MICAL2: variants seen among roughly 807,000 people sequenced by gnomAD.
MICAL2 encodes the protein [F-actin]-monooxygenase MICAL2.
In MICAL2, 77 loss-of-function variants were observed where a neutral mutation model predicts 127.3. That is an observed-to-expected ratio of 0.60 (90% CI 0.50 to 0.73). The LOEUF (loss-of-function observed/expected upper bound fraction) is 0.73, where lower values mean the gene tolerates loss of function less well. MICAL2 is among the 30% of genes least tolerant of loss of function. MICAL2 has a pLI of 0.00. For synonymous variants in MICAL2, 570 were observed against 551.1 expected (o/e 1.03, Z -0.48); for missense variants, 1,351 against 1,434.4 (o/e 0.94, Z 0.94).
chr11:12,249,072 C>A, intron 21 of MICAL2, 112 bp from the exon 22 acceptor site: 1 of 1,392,832 alleles, frequency 7.2e-7, no homozygotes, highest in Non-Finnish European at 1.0e-6. Context: ...AATGTCCTAA[C>A]CTATGCAAAA....
At chr11:12,143,705 T>C (rs1469816722) in intron 2 of MICAL2, among the ~76,000 whole-genome samples, 3 of 152,198 alleles carry the variant, frequency 2.0e-5, no homozygotes, top group African/African-American at 7.2e-5. Context: ...GCAGATTGAC[T>C]CTCCAGGGAT....
At chr11:12,296,386 A>G (rs11022280), downstream of MICAL2, among the ~76,000 whole-genome samples, 62,425 of 151,096 alleles carry the variant, frequency 0.41, 15,022 homozygotes, top group Non-Finnish European at 0.55. Flanking sequence ...CTTTATTTTC[A>G]ACCAGGTTCA....
intron 2 of MICAL2, among the ~76,000 whole-genome samples, chr11:12,143,328 G>T (rs1178051394): frequency 2.0e-5 from 3 of 152,228 alleles, no homozygotes; most frequent in Non-Finnish European, 2.9e-5. Flanking sequence ...TCAGTTGAGA[G>T]ATCAGCTCTG....
At chr11:12,341,372 A>G (rs1938860837) in intron 32 of MICAL2, among the ~76,000 whole-genome samples, 1 of 152,220 alleles carries the variant, frequency 6.6e-6, no homozygotes, top group South Asian at 2.1e-4. Flanking sequence ...TGAACCACGC[A>G]GCAAAACAAG....
At chr11:12,337,062 G>A (rs961826650) in intron 32 of MICAL2, among the ~76,000 whole-genome samples, 6 of 152,148 alleles carry the variant, frequency 3.9e-5, no homozygotes, top group African/African-American at 1.2e-4. Flanking sequence ...GGTAGAATTC[G>A]GCTGTGAATC....
Position 12,226,186 on chromosome 11 carries a change from G to A in MICAL2, c.1704G>A (p.Leu568=), listed in dbSNP as rs1857420774. ...FRPELINFDS[L]NEDDAVENNQ... is the part of the protein sequence containing the mutation. ...GATTCTCTAGCAACTTTGACTCTTT[G>A]AATGAAGATGATGCTGTGGAGAACA... The change falls in exon 14 of 28, where the codon TTG becomes TTA. Residue 568 remains leucine (L), a synonymous_variant. Coordinates refer to ENST00000683283, the MANE Select transcript of MICAL2 (RefSeq NM_001282663.2). 1.2e-6 allele frequency: 2 copies of A among 1,614,194 alleles called. No homozygotes were observed. Among genetic ancestry groups the A allele is most frequent in the Non-Finnish European group, 1.7e-6 (2 of 1,180,042 alleles).
chr11:12,258,797 A>G (rs1174802245), intron 25 of MICAL2, among the ~76,000 whole-genome samples: 1 of 152,230 alleles, frequency 6.6e-6, no homozygotes, highest in Admixed American at 6.5e-5. Context: ...GCTTCTCATA[A>G]GAAGCCTGGA....
chr11:12,164,991 T>C lies in MICAL2; in HGVS notation c.264+2572T>C, dbSNP rs181739996. ...CTCTACTAAAAAATACAAAAAAAAT[T>C]AGCCAGGTGTGGTGGCAAGTGCCTG... On this transcript the variant is annotated intron_variant, in intron 3 of 27. Transcript: ENST00000683283. Among the ~76,000 whole-genome samples the C allele has an allele frequency of 3.5e-3, 526 of 151,768 alleles. 9 individuals are homozygous for C. The highest frequency in any genetic ancestry group is 0.013 in the East Asian group (65 of 5,154).
chr11:12,133,536 C>A (rs977244), intron 1 of MICAL2, among the ~76,000 whole-genome samples: 66,762 of 151,534 alleles, frequency 0.44, 14,879 homozygotes, highest in Admixed American at 0.48. Context: ...AGACAAGCAA[C>A]GATAATATTG....
At chr11:12,168,737 T>C (rs1453477750) in intron 3 of MICAL2, among the ~76,000 whole-genome samples, 2 of 150,340 alleles carry the variant, frequency 1.3e-5, no homozygotes, top group African/African-American at 2.4e-5. Flanking sequence ...GGTAAGAAAA[T>C]ATAGGGTGAG....
chr11:12,163,167 A>G (rs992384183), intron 3 of MICAL2, among the ~76,000 whole-genome samples: 1 of 152,186 alleles, frequency 6.6e-6, no homozygotes, highest in Non-Finnish European at 1.5e-5. Context: ...CATAGACAGC[A>G]TCGGCGAACA....
chr11:12,334,008 C>A (rs1291313030), intron 32 of MICAL2, among the ~76,000 whole-genome samples: 1 of 152,030 alleles, frequency 6.6e-6, no homozygotes, highest in African/African-American at 2.4e-5. Context: ...TCGTACCATA[C>A]AAACAAATCA....
Position 12,161,017 on chromosome 11 carries a change from C to T in MICAL2, c.-77-1062C>T, listed in dbSNP as rs755459609. Among the ~76,000 whole-genome samples the T allele has an allele frequency of 2.6e-4, 40 of 152,196 alleles. 1 individual carries two copies. The highest frequency in any genetic ancestry group is 9.4e-4 in the African/African-American group (39 of 41,446). On this transcript the variant is annotated intron_variant, in intron 2 of 27. Coordinates refer to ENST00000683283, the MANE Select transcript of MICAL2 (RefSeq NM_001282663.2). ...GGCCTGCGCTCTGTGTGCTGCTGAC[C>T]TCCTCTTACCAGGCCTCATCGGTGG...
chr11:12,241,599 C>G (rs1171668046), intron 18 of MICAL2, among the ~76,000 whole-genome samples: 1 of 152,212 alleles, frequency 6.6e-6, no homozygotes, highest in Non-Finnish European at 1.5e-5. Flanking sequence ...TTGCCGGTGC[C>G]AGAGTAGCTG....
At chr11:12,354,740 A>G (rs1939105791) in intron 33 of MICAL2, 3 of 1,565,104 alleles carry the variant, frequency 1.9e-6, no homozygotes, top group Non-Finnish European at 2.6e-6. Flanking sequence ...ATGTTTCCTC[A>G]CAAATCTATA....
intron 2 of MICAL2, among the ~76,000 whole-genome samples, chr11:12,157,738 G>A (rs1485221685): frequency 1.3e-5 from 2 of 152,046 alleles, no homozygotes; most frequent in Non-Finnish European, 2.9e-5. Flanking sequence ...GGGGTGAGGG[G>A]AAGGATAGCC....
chr11:12,283,476 AC>A (rs1224161368), intron 2 of MICAL2, among the ~76,000 whole-genome samples: 5 of 152,262 alleles, frequency 3.3e-5, no homozygotes, highest in African/African-American at 1.2e-4. Context: ...GTATATCCAT[AC>A]AGCAAAATGT....
At chr11:12,135,166 G>A (rs1055216613) in intron 1 of MICAL2, among the ~76,000 whole-genome samples, 4 of 152,208 alleles carry the variant, frequency 2.6e-5, no homozygotes, top group Non-Finnish European at 4.4e-5. Flanking sequence ...TGGCTGGAGA[G>A]TGGGAGATGG....
intron 29 of MICAL2, among the ~76,000 whole-genome samples, chr11:12,316,746 T>C (rs1590734868): frequency 6.6e-6 from 1 of 152,240 alleles, no homozygotes; most frequent in East Asian, 1.9e-4. Context: ...AGCATGTCTA[T>C]GTTTTGTTTC....
Sources: allele counts gnomAD v4.1 joint callset (sites outside exome capture counted in the v4.1 genomes callset), GRCh38; gene constraint gnomAD v4.1.1; transcripts MANE v1.5; gene names NCBI Gene and HGNC (gene_info 2026-07-23, HGNC 2026-07-21).